QKI: variants seen among roughly 807,000 people sequenced by gnomAD.
QKI encodes KH domain-containing RNA-binding protein QKI.
QKI carries 10 observed loss-of-function variants against 39.0 expected under a neutral mutation model. The observed-to-expected ratio is 0.26, with a 90% CI of 0.16 to 0.43. The LOEUF is 0.43. Among genes scored for constraint, QKI ranks in the 20% least tolerant of loss-of-function variants. The pLI is 1.00. For missense variants in QKI, 218 were observed against 428.0 expected (o/e 0.51, Z 4.33); for synonymous variants, 204 against 155.4 (o/e 1.31, Z -2.33).
intron 7 of QKI, chr6:163,570,444 G>GTTT (rs35227460): frequency 7.1e-5 from 66 of 923,784 alleles, no homozygotes; most frequent in African/African-American, 2.2e-4. Context: ...TTGTTAACCA[G>GTTT]TTTTTTTTTT....
chr6:163,533,427 T>G (rs1199235677), intron 3 of QKI, among the ~76,000 whole-genome samples: 1 of 152,228 alleles, frequency 6.6e-6, no homozygotes, highest in African/African-American at 2.4e-5. Context: ...TGAAACAGAC[T>G]ATACATTTTA....
chr6:163,480,565 C>T (rs1420330512), intron 3 of QKI, among the ~76,000 whole-genome samples: 1 of 152,042 alleles, frequency 6.6e-6, no homozygotes, highest in South Asian at 2.1e-4. Context: ...ATTTAAAAAT[C>T]TTATTATAAT....
At chr6:163,522,385 G>A (rs1369306633) in intron 3 of QKI, among the ~76,000 whole-genome samples, 1 of 152,134 alleles carries the variant, frequency 6.6e-6, no homozygotes, top group African/African-American at 2.4e-5. Context: ...GAATACGTGA[G>A]TGAGTTGCTC....
intron 3 of QKI, among the ~76,000 whole-genome samples, chr6:163,481,099 TGAAAA>T (rs777680035): frequency 1.2e-4 from 19 of 152,136 alleles, no homozygotes; most frequent in Non-Finnish European, 2.4e-4. Context: ...GTAAAGAACA[TGAAAA>T]GAGATGGAAA....
At chr6:163,569,230 C>T (rs2128252431) in intron 7 of QKI, 1 of 964,914 alleles carries the variant, frequency 1.0e-6, no homozygotes, top group East Asian at 1.1e-4. Flanking sequence ...AAGATTTGGT[C>T]ACATTGAAGA....
chr6:163,433,980 G>A (rs1320769188), intron 1 of QKI, among the ~76,000 whole-genome samples: 1 of 152,128 alleles, frequency 6.6e-6, no homozygotes, highest in Non-Finnish European at 1.5e-5. Flanking sequence ...TAAAAAGGTT[G>A]GTTGTGATTG....
chr6:163,429,412 G>A (rs1788662234), intron 1 of QKI, among the ~76,000 whole-genome samples: 1 of 151,944 alleles, frequency 6.6e-6, no homozygotes, highest in Non-Finnish European at 1.5e-5. Flanking sequence ...ATTATATCAT[G>A]AGCAAAATTT....
intron 1 of QKI, among the ~76,000 whole-genome samples, chr6:163,438,364 A>G (rs894362750): frequency 2.6e-5 from 4 of 152,226 alleles, no homozygotes; most frequent in African/African-American, 7.2e-5. Context: ...AGAAAGATAT[A>G]TATACACATA....
chr6:163,563,086 A>T (rs555252942), intron 5 of QKI, among the ~76,000 whole-genome samples: 1 of 152,208 alleles, frequency 6.6e-6, no homozygotes, highest in African/African-American at 2.4e-5. Context: ...TGTTAATGCA[A>T]GTGTTTCATT....
intron 2 of QKI, among the ~76,000 whole-genome samples, chr6:163,463,929 T>TC (rs1445568450): frequency 1.3e-5 from 2 of 152,186 alleles, no homozygotes; most frequent in Admixed American, 1.3e-4. Flanking sequence ...TAATTTTTCT[T>TC]CCCTGTAACA....
At chr6:163,415,986 A>G (rs972359047) in intron 1 of QKI, 1 of 476,696 alleles carries the variant, frequency 2.1e-6, no homozygotes, top group African/African-American at 2.1e-5. Context: ...TGACGGCGAA[A>G]AGCACTTTTT....
At chr6:163,561,072 C>G (rs1336745319) in intron 4 of QKI, among the ~76,000 whole-genome samples, 2 of 152,140 alleles carry the variant, frequency 1.3e-5, no homozygotes, top group Non-Finnish European at 2.9e-5. Flanking sequence ...GCATTGATAG[C>G]ACTTGCTAAT....
At chr6:163,566,557 A>G (rs1783371655) in intron 6 of QKI, 164 bp from the exon 7 acceptor site, 3 of 1,490,944 alleles carry the variant, frequency 2.0e-6, no homozygotes, top group South Asian at 1.3e-5. Context: ...GCATATATAC[A>G]TGACATATTG....
chr6:163,481,134 A>G (rs1323393269), intron 3 of QKI, among the ~76,000 whole-genome samples: 1 of 152,258 alleles, frequency 6.6e-6, no homozygotes, highest in Non-Finnish European at 1.5e-5. Flanking sequence ...GTATTGATGT[A>G]AGTAATAAAG....
intron 5 of QKI, among the ~76,000 whole-genome samples, chr6:163,563,100 C>CT (rs1471144161): frequency 6.6e-6 from 1 of 152,124 alleles, no homozygotes; most frequent in East Asian, 1.9e-4. Context: ...TTTCATTGTG[C>CT]TTCTGCATGT....
intron 1 of QKI, among the ~76,000 whole-genome samples, chr6:163,450,585 C>CA (rs1229361726): frequency 1.3e-5 from 2 of 151,952 alleles, no homozygotes; most frequent in African/African-American, 4.8e-5. Flanking sequence ...CAGAACTGTG[C>CA]AGTGACATCG....
chr6:163,561,431 A>T (rs1782995827), intron 4 of QKI, among the ~76,000 whole-genome samples: 1 of 152,028 alleles, frequency 6.6e-6, no homozygotes, highest in Non-Finnish European at 1.5e-5. Context: ...ACAAAACGAG[A>T]CCTTGTCTCT....
chr6:163,516,978 A>G (rs1331786176), intron 3 of QKI, among the ~76,000 whole-genome samples: 1 of 152,058 alleles, frequency 6.6e-6, no homozygotes, highest in African/African-American at 2.4e-5. Context: ...TAGAATTTTT[A>G]TGAAGGTGAA....
intron 1 of QKI, among the ~76,000 whole-genome samples, chr6:163,444,192 G>A (rs1789972823): frequency 6.6e-6 from 1 of 152,136 alleles, no homozygotes; most frequent in South Asian, 2.1e-4. Flanking sequence ...TGCCTGTAGG[G>A]GGTCAGTACA....
Sources: gnomAD v4.1 joint callset for allele counts (sites outside exome capture counted in the v4.1 genomes callset) on GRCh38, gnomAD v4.1.1 for gene constraint, MANE v1.5 for transcripts, NCBI Gene and HGNC (gene_info 2026-07-23, HGNC 2026-07-21) for gene names.